The following MAST4 variants were observed in gnomAD, a reference collection of about 807,000 sequenced individuals.
MAST4 encodes the protein microtubule-associated serine/threonine-protein kinase 4.
Under a neutral mutation model 162.7 loss-of-function variants are expected in MAST4, and 89 were observed. The observed-to-expected ratio is 0.55, with a 90% CI of 0.46 to 0.65. The LOEUF is 0.65. MAST4 is among the 30% of genes least tolerant of loss of function. The pLI, the probability that MAST4 is intolerant of heterozygous loss-of-function variation, is 0.00. For synonymous variants in MAST4, 1,479 were observed against 1,361.1 expected (o/e 1.09, Z -1.91); for missense variants, 3,153 against 3,374.0 (o/e 0.93, Z 1.62).
chr5:67,000,924 T>G (rs1399055328), intron 4 of MAST4, among the ~76,000 whole-genome samples: 3 of 152,188 alleles, frequency 2.0e-5, no homozygotes, highest in Non-Finnish European at 4.4e-5. Context: ...GACAAGCTTG[T>G]TTTTTAGTTT....
intron 5 of MAST4, among the ~76,000 whole-genome samples, chr5:67,066,279 A>T (rs902947110): frequency 1.3e-5 from 2 of 151,962 alleles, no homozygotes; most frequent in Non-Finnish European, 2.9e-5. Flanking sequence ...ACATATAGAT[A>T]AAAGAAAATA....
intron 6 of MAST4, among the ~76,000 whole-genome samples, chr5:67,091,248 C>T (rs1209305710): frequency 6.6e-6 from 1 of 152,144 alleles, no homozygotes; most frequent in Non-Finnish European, 1.5e-5. Context: ...AAAAAAGTTG[C>T]GGCATTTTCA....
chr5:67,159,218 A>G (rs973428301), intron 26 of MAST4, among the ~76,000 whole-genome samples: 1 of 152,232 alleles, frequency 6.6e-6, no homozygotes, highest in Non-Finnish European at 1.5e-5. Context: ...AGCTGTAAAT[A>G]AACTGAGATT....
chr5:66,650,384 C>T (rs1358697507), intron 1 of MAST4, among the ~76,000 whole-genome samples: 2 of 152,122 alleles, frequency 1.3e-5, no homozygotes, highest in African/African-American at 4.8e-5. Context: ...GTAGCATTTG[C>T]CCATTTCTGT....
chr5:66,907,974 A>G (rs1253316828), intron 4 of MAST4, among the ~76,000 whole-genome samples: 2 of 152,306 alleles, frequency 1.3e-5, no homozygotes, highest in African/African-American at 2.4e-5. Context: ...CAAAATATCT[A>G]TTATCAAAGC....
chr5:67,081,568 T>C (rs1762659338), intron 5 of MAST4, among the ~76,000 whole-genome samples: 1 of 152,130 alleles, frequency 6.6e-6, no homozygotes, highest in Admixed American at 6.5e-5. Context: ...ATTTACAGTA[T>C]ACAAGAAATT....
intron 27 of MAST4, 133 bp downstream of exon 27, chr5:67,160,725 T>C (rs1170612670): frequency 1.2e-6 from 1 of 853,246 alleles, no homozygotes; most frequent in South Asian, 2.2e-5. Context: ...TTCACATATA[T>C]GTATACATTA....
chr5:66,597,636 T>G (rs956163142), intron 1 of MAST4, among the ~76,000 whole-genome samples: 1 of 152,232 alleles, frequency 6.6e-6, no homozygotes, highest in African/African-American at 2.4e-5. Flanking sequence ...CCGTTCAGAC[T>G]TGTTTCCAGC....
At chr5:66,986,293 GA>G in intron 4 of MAST4, 1 of 483,582 alleles carries the variant, frequency 2.1e-6, no homozygotes, top group Non-Finnish European at 3.8e-6. Context: ...GCAGAGTCTG[GA>G]AAGGGAAACT....
intron 26 of MAST4, among the ~76,000 whole-genome samples, chr5:67,153,939 A>C (rs563869013): frequency 1.3e-5 from 2 of 152,258 alleles, no homozygotes; most frequent in Non-Finnish European, 2.9e-5. Context: ...ACTAGAAGAC[A>C]AAATTGTATT....
chr5:67,141,562 A>G (rs1486166613), intron 19 of MAST4, among the ~76,000 whole-genome samples: 1 of 152,248 alleles, frequency 6.6e-6, no homozygotes, highest in African/African-American at 2.4e-5. Flanking sequence ...TTAAAAGTCT[A>G]TAAAACAGAT....
At chr5:66,963,331 A>G (rs1746253506) in intron 4 of MAST4, among the ~76,000 whole-genome samples, 1 of 152,172 alleles carries the variant, frequency 6.6e-6, no homozygotes, top group Non-Finnish European at 1.5e-5. Flanking sequence ...TGTAAAAACT[A>G]CGATATTTCA....
chr5:67,061,221 C>T (rs967271977), intron 5 of MAST4, among the ~76,000 whole-genome samples: 2 of 151,970 alleles, frequency 1.3e-5, no homozygotes, highest in African/African-American at 4.8e-5. Flanking sequence ...ACTTTTGTTC[C>T]CCCCTTATCA....
rs755024565 is a variant in MAST4, at chr5:67,164,952, T to C, written c.5773T>C (p.Ser1925Pro). The change falls in exon 29 of 29, where the codon TCC (serine) becomes CCC (proline). Residue 1925 changes from serine (S) to proline (P), a missense_variant. Coordinates refer to ENST00000403625, the MANE Select transcript of MAST4 (RefSeq NM_001164664.2). The surrounding 1 kb of genome is among the most constrained non-coding windows in gnomAD (Gnocchi z 5.3). ...ESNPQQREGS[S>P]PKHQDHTTDP... ...CAATCCCCAACAGAGAGAGGGCAGCTCCCCTAAACACCAAGACCACACCAC... is the reference window on the plus strand; with the variant it reads ...CAATCCCCAACAGAGAGAGGGCAGCCCCCCTAAACACCAAGACCACACCAC... 1 of 1,613,670 alleles carries C rather than the reference T, an allele frequency of 6.2e-7. No individual in the cohort carries two copies. The highest frequency in any genetic ancestry group is 8.5e-7 in the Non-Finnish European group (1 of 1,179,832).
chr5:66,790,363 A>G (rs1192016707), intron 3 of MAST4, among the ~76,000 whole-genome samples: 5 of 152,132 alleles, frequency 3.3e-5, no homozygotes, highest in Non-Finnish European at 7.4e-5. Context: ...GAGGCATTAA[A>G]CAGTCTATAA....
At chr5:66,770,986 T>A (rs777162572) in intron 2 of MAST4, among the ~76,000 whole-genome samples, 2 of 152,166 alleles carry the variant, frequency 1.3e-5, no homozygotes, top group Non-Finnish European at 2.9e-5. Flanking sequence ...AATACTCAGA[T>A]ACAGCTAAAC....
intron 2 of MAST4, among the ~76,000 whole-genome samples, chr5:66,784,104 A>G (rs1755000525): frequency 6.6e-6 from 1 of 151,730 alleles, no homozygotes; most frequent in South Asian, 2.1e-4. Context: ...CCCATTCCCC[A>G]TCAAATCTCT....
intron 3 of MAST4, among the ~76,000 whole-genome samples, chr5:66,820,097 G>A (rs550386746): frequency 5.9e-4 from 90 of 151,734 alleles, no homozygotes; most frequent in African/African-American, 2.0e-3. Context: ...TGGGATTATA[G>A]GTGTGCATCA....
intron 4 of MAST4, among the ~76,000 whole-genome samples, chr5:67,048,894 GTC>G (rs1410906031): frequency 1.3e-5 from 2 of 149,870 alleles, no homozygotes; most frequent in Admixed American, 6.7e-5. Flanking sequence ...ACAATTTCAA[GTC>G]TCTGTTTTTC....
Sources: allele counts gnomAD v4.1 joint callset (sites outside exome capture counted in the v4.1 genomes callset), GRCh38; gene constraint gnomAD v4.1.1; non-coding constraint Gnocchi (gnomAD v3.1); transcripts MANE v1.5; gene names NCBI Gene and HGNC (gene_info 2026-07-23, HGNC 2026-07-21).